PPM1H: variants seen among roughly 807,000 people sequenced by gnomAD.
PPM1H encodes protein phosphatase 1H.
A neutral mutation model predicts 54.9 loss-of-function variants in PPM1H; 27 were observed. That is an observed-to-expected ratio of 0.49 (90% CI 0.36 to 0.68). The LOEUF is 0.68. Among genes scored for constraint, PPM1H ranks in the 30% least tolerant of loss-of-function variants. The pLI is 0.00. For missense variants in PPM1H, 596 were observed against 667.8 expected, an observed-to-expected ratio of 0.89 and a Z score of 1.19; for synonymous variants, 305 against 270.8, an observed-to-expected ratio of 1.13 and a Z score of -1.24.
intron 6 of PPM1H, among the ~76,000 whole-genome samples, chr12:62,708,983 C>G (rs1339747935): frequency 6.6e-6 from 1 of 152,096 alleles, no homozygotes; most frequent in East Asian, 1.9e-4. Context: ...AGGTGTGGAG[C>G]TCTTAAGGGT....
At chr12:62,801,762 C>G in intron 3 of PPM1H, 54 bp downstream of exon 3, 2 of 1,584,778 alleles carry the variant, frequency 1.3e-6, no homozygotes, top group South Asian at 1.1e-5. Context: ...GACGGACAGA[C>G]CTGGCGCAGG....
chr12:62,906,342 G>T (rs909255315), intron 1 of PPM1H, among the ~76,000 whole-genome samples: 12 of 152,302 alleles, frequency 7.9e-5, no homozygotes, highest in Admixed American at 7.2e-4. Flanking sequence ...ACAGCTTTAA[G>T]TATGTTTTAT....
At chr12:62,919,391 G>T (rs918047876) in intron 1 of PPM1H, among the ~76,000 whole-genome samples, 1 of 151,994 alleles carries the variant, frequency 6.6e-6, no homozygotes, top group African/African-American at 2.4e-5. Flanking sequence ...GACCTGGAAA[G>T]GTAGAAATAG....
chr12:62,695,974 C>G (rs1261058313), intron 6 of PPM1H, among the ~76,000 whole-genome samples: 5 of 152,126 alleles, frequency 3.3e-5, no homozygotes, highest in Admixed American at 6.5e-5. Flanking sequence ...GATCCAGGCA[C>G]AGGAGGAGCC....
At position 62,693,956 on chromosome 12, in the gene PPM1H, T is replaced by C. The variant is rs2076098449; in HGVS notation, c.1117A>G (p.Ile373Val). ...CCTACCTTCTTGCCTTCTCCATATATAAGGGGGAACTTCAAGTCCTCATCC... is the reference window on the plus strand; with the variant it reads ...CCTACCTTCTTGCCTTCTCCATATACAAGGGGGAACTTCAAGTCCTCATCC... ...IEDEDLKFPL[I>V]YGEGKKARVM... is the part of the protein sequence containing the mutation. Residue 373 changes from isoleucine (I) to valine (V), a missense_variant, in exon 7 of 10, where the codon ATA (isoleucine) becomes GTA (valine). Around this residue, in one of 3 missense-constraint regions of PPM1H, gnomAD observed 208 missense variants for 259.5 expected, o/e 0.80. Transcript: ENST00000228705. 6.2e-7 allele frequency: 1 copy of C among 1,613,014 alleles called. No individual in the cohort carries two copies. The highest frequency in any genetic ancestry group is 8.5e-7 in the Non-Finnish European group (1 of 1,179,564).
chr12:62,842,380 AT>A (rs200865224), intron 1 of PPM1H, among the ~76,000 whole-genome samples: 1,938 of 152,086 alleles, frequency 0.013, 49 homozygotes, highest in African/African-American at 0.044. Context: ...TTTAAACAAA[AT>A]TTTTTTTGAA....
intron 2 of PPM1H, among the ~76,000 whole-genome samples, chr12:62,824,254 C>T (rs958584118): frequency 2.0e-5 from 3 of 152,000 alleles, no homozygotes; most frequent in African/African-American, 4.8e-5. Context: ...TAAAAGAGGA[C>T]ACAAACAAAT....
At chr12:62,800,528 G>A (rs1348422244) in intron 3 of PPM1H, among the ~76,000 whole-genome samples, 2 of 151,856 alleles carry the variant, frequency 1.3e-5, no homozygotes, top group African/African-American at 2.4e-5. Context: ...TGGTAGAGAC[G>A]GGGTTGCACC....
chr12:62,840,396 CAT>C (rs1428938654), intron 1 of PPM1H, among the ~76,000 whole-genome samples: 2 of 152,152 alleles, frequency 1.3e-5, no homozygotes, highest in Non-Finnish European at 2.9e-5. Flanking sequence ...AGGATTTCAA[CAT>C]ATGCATTGGG....
At chr12:62,854,332 A>G (rs1454671502) in intron 1 of PPM1H, among the ~76,000 whole-genome samples, 1 of 152,218 alleles carries the variant, frequency 6.6e-6, no homozygotes, top group Non-Finnish European at 1.5e-5. Context: ...GTCTGCTGCA[A>G]CTCAGGAATG....
At chr12:62,817,479 C>A (rs1214528055) in intron 2 of PPM1H, among the ~76,000 whole-genome samples, 1 of 150,000 alleles carries the variant, frequency 6.7e-6, no homozygotes. Context: ...AACAAACAAA[C>A]AAACAAAAAA....
intron 4 of PPM1H, among the ~76,000 whole-genome samples, chr12:62,779,322 C>T (rs2076628715): frequency 6.6e-6 from 1 of 152,220 alleles, no homozygotes; most frequent in African/African-American, 2.4e-5. Flanking sequence ...GCTGGGATTA[C>T]AGGCGTGAGC....
chr12:62,926,889 G>C (rs913593954), intron 1 of PPM1H, among the ~76,000 whole-genome samples: 1 of 152,200 alleles, frequency 6.6e-6, no homozygotes. Context: ...GGGAGGCGGA[G>C]GTTGCAGTGA....
rs551385192 is a variant in PPM1H, at chr12:62,656,201, G to A, written c.1398-7565C>T. ...CCAGAAAAGGGCTCTGGGTGTAAGC[G>A]TGGCTTGCCCAGGTTCCAATCCTGG... is the stretch of plus-strand genomic sequence containing the variant. On this transcript the variant is annotated intron_variant, in intron 9 of 9. Transcript: ENST00000228705. Among the ~76,000 whole-genome samples, 7 of 152,252 alleles carry A rather than the reference G, an allele frequency of 4.6e-5. No homozygotes were observed. In the East Asian group the frequency reaches 5.8e-4, roughly 13 times the overall value.
intron 4 of PPM1H, among the ~76,000 whole-genome samples, chr12:62,761,435 T>C (rs1468066247): frequency 6.6e-6 from 1 of 152,182 alleles, no homozygotes; most frequent in Non-Finnish European, 1.5e-5. Context: ...GGGAGGAGAT[T>C]ATAGGCAATT....
At chr12:62,648,714 G>A in intron 9 of PPM1H, 78 bp from the exon 10 acceptor site, 1 of 1,471,802 alleles carries the variant, frequency 6.8e-7, no homozygotes. Flanking sequence ...TGGGAAGGGG[G>A]AGGCATCACT....
intron 3 of PPM1H, among the ~76,000 whole-genome samples, chr12:62,798,837 C>T (rs900549532): frequency 3.3e-5 from 5 of 152,150 alleles, no homozygotes; most frequent in African/African-American, 1.2e-4. Flanking sequence ...TTCATTCTCC[C>T]AACCCTGCCC....
rs546165568 is a variant in PPM1H, at chr12:62,868,498, TA to T, written c.246-36220del. On this transcript the variant is annotated intron_variant, in intron 1 of 9. Transcript: ENST00000228705. ...AATAGATAAACCCACAGCTGGATTT[TA>T]AAAACAAGGACGGCATCCACTGAAC... Among the ~76,000 whole-genome samples the T allele has an allele frequency of 3.6e-3, 546 of 152,284 alleles. 2 individuals carry two copies. Among genetic ancestry groups the T allele is most frequent in the African/African-American group, 0.013 (533 of 41,572 alleles).
chr12:62,684,788 G>A (rs1196549308), intron 8 of PPM1H, among the ~76,000 whole-genome samples: 4 of 152,070 alleles, frequency 2.6e-5, no homozygotes, highest in African/African-American at 9.7e-5. Context: ...AGAGGAAGTG[G>A]GTCAGTTATT....
Sources: gnomAD v4.1 joint callset for allele counts (sites outside exome capture counted in the v4.1 genomes callset) on GRCh38, gnomAD v4.1.1 for gene constraint, gnomAD v4.1.1 regional missense constraint, MANE v1.5 for transcripts, NCBI Gene and HGNC (gene_info 2026-07-23, HGNC 2026-07-21) for gene names.